The following ANKRD28 variants were observed in gnomAD, a reference collection of about 807,000 sequenced individuals.
ANKRD28 encodes the protein serine/threonine-protein phosphatase 6 regulatory ankyrin repeat subunit A.
ANKRD28 carries 44 observed loss-of-function variants against 126.5 expected under a neutral mutation model. The observed-to-expected ratio is 0.35, with a 90% CI of 0.27 to 0.45. The LOEUF (loss-of-function observed/expected upper bound fraction) is 0.45, where lower values mean the gene tolerates loss of function less well. ANKRD28 is among the 20% of genes least tolerant of loss of function. ANKRD28 has a pLI of 1.00. For synonymous variants in ANKRD28, 442 were observed against 468.5 expected (o/e 0.94, Z 0.73); for missense variants, 1,110 against 1,316.6 (o/e 0.84, Z 2.43).
At chr3:15,829,516 T>A (rs1366270721) in intron 1 of ANKRD28, among the ~76,000 whole-genome samples, 1 of 152,206 alleles carries the variant, frequency 6.6e-6, no homozygotes, top group Non-Finnish European at 1.5e-5. Flanking sequence ...TTAAAATCCA[T>A]TGGTCTAACT....
chr3:15,709,868 T>C, intron 12 of ANKRD28, 132 bp from the exon 13 acceptor site: 1 of 568,214 alleles, frequency 1.8e-6, no homozygotes, highest in Non-Finnish European at 3.1e-6. Flanking sequence ...TTACATTCTA[T>C]GAAGAATAAA....
At position 15,713,634 on chromosome 3, in the gene ANKRD28, T is replaced by A; in HGVS notation, c.1083A>T (p.Val361=). ...RSQTIIQSGA[V]IDCEDKNGNT... ...TTCCATTCTTATCCTCACAGTCGAT[T>A]ACAGCTCCTGCAATATAGGACTTAC... The change falls in exon 10 of 28, where the codon GTA becomes GTT. Residue 361 remains valine, a synonymous_variant. Coordinates refer to ENST00000683139, the MANE Select transcript of ANKRD28 (RefSeq NM_001349278.2). The A allele has an allele frequency of 6.2e-7, 1 of 1,603,222 alleles. No homozygotes were observed. The highest frequency in any genetic ancestry group is 8.5e-7 in the Non-Finnish European group (1 of 1,175,502).
chr3:15,706,432 T>C (rs2071412254), intron 14 of ANKRD28, among the ~76,000 whole-genome samples: 1 of 152,188 alleles, frequency 6.6e-6, no homozygotes, highest in African/African-American at 2.4e-5. Context: ...TCCTTTTTTA[T>C]GGCTGCATAG....
chr3:15,690,617 T>C (rs968012454), intron 17 of ANKRD28, among the ~76,000 whole-genome samples: 2 of 152,208 alleles, frequency 1.3e-5, no homozygotes, highest in Non-Finnish European at 2.9e-5. Flanking sequence ...CCAGCTGGAG[T>C]CCAGTGGCGT....
intron 7 of ANKRD28, among the ~76,000 whole-genome samples, chr3:15,721,363 G>A: frequency 6.6e-6 from 1 of 152,234 alleles, no homozygotes; most frequent in East Asian, 1.9e-4. Context: ...CATACACAAT[G>A]TCTACTTCAT....
intron 1 of ANKRD28, among the ~76,000 whole-genome samples, chr3:15,821,555 C>T (rs1472522040): frequency 6.6e-6 from 1 of 152,106 alleles, no homozygotes; most frequent in Non-Finnish European, 1.5e-5. Context: ...AAATCTCCAT[C>T]CCTTCACAAA....
intron 4 of ANKRD28, among the ~76,000 whole-genome samples, chr3:15,743,394 T>G (rs2057245564): frequency 6.6e-6 from 1 of 151,812 alleles, no homozygotes; most frequent in Non-Finnish European, 1.5e-5. Context: ...ACAAAACATA[T>G]TTGCAAATAA....
At chr3:15,746,869 C>A (rs1023250475) in intron 4 of ANKRD28, among the ~76,000 whole-genome samples, 1 of 152,178 alleles carries the variant, frequency 6.6e-6, no homozygotes, top group Non-Finnish European at 1.5e-5. Flanking sequence ...TCATTTCAAT[C>A]TTGCTGCTTG....
chr3:15,790,018 T>A (rs12637353), intron 2 of ANKRD28, among the ~76,000 whole-genome samples: 13 of 151,930 alleles, frequency 8.6e-5, no homozygotes, highest in Non-Finnish European at 4.4e-5. Context: ...TGTAAGCAAC[T>A]ATATATGCTG....
chr3:15,816,019 T>C lies in ANKRD28; in HGVS notation c.28-20713A>G, dbSNP rs981729300. On this transcript the variant is annotated intron_variant, in intron 1 of 27. Coordinates refer to the ANKRD28 transcript ENST00000399451. The surrounding 1 kb of genome is among the most constrained non-coding windows in gnomAD (Gnocchi z 5.0). ...GGCTTTACAGGTTTTCATAATTATG[T>C]TTTAATCTTGTTATATTAATAGTCA... 1.2e-4 allele frequency among the ~76,000 whole-genome samples: 18 copies of C among 152,180 alleles called. No homozygotes were observed. The highest frequency in any genetic ancestry group is 4.1e-4 in the African/African-American group (17 of 41,448).
chr3:15,671,018 G>A (rs894866777), intron 27 of ANKRD28, among the ~76,000 whole-genome samples: 26 of 152,230 alleles, frequency 1.7e-4, no homozygotes, highest in African/African-American at 5.5e-4. Flanking sequence ...AATCTTAAAT[G>A]TGTACAGCTT....
Position 15,713,681 on chromosome 3 carries a change from A to G in ANKRD28, c.1076-40T>C, listed in dbSNP as rs577751853. The G allele has an allele frequency of 2.2e-6, 3 of 1,364,580 alleles. No individual in the cohort carries two copies. The African/African-American group carries it at 4.4e-5, about 20-fold the overall frequency. The allele number at this position is 1,364,580 out of a possible 1,614,324, so 84.5% of individuals were successfully genotyped here. ...TTACTGTCAGACACTGGACCATATAAAGATCAGGTCAAACGTACTACATGA... is the reference window on the plus strand; with the variant it reads ...TTACTGTCAGACACTGGACCATATAGAGATCAGGTCAAACGTACTACATGA... On this transcript the variant is annotated intron_variant, in intron 9 of 27. Transcript: ENST00000683139.
At chr3:15,852,222 T>C (rs1476293074) in intron 1 of ANKRD28, among the ~76,000 whole-genome samples, 1 of 152,224 alleles carries the variant, frequency 6.6e-6, no homozygotes, top group East Asian at 1.9e-4. Flanking sequence ...GGTTAAAATA[T>C]AAAAAAGATC....
At chr3:15,766,168 A>T (rs555515549) in intron 3 of ANKRD28, 66 bp downstream of exon 3, 2 of 1,272,274 alleles carry the variant, frequency 1.6e-6, no homozygotes, top group South Asian at 1.4e-5. Flanking sequence ...GTCAATTATG[A>T]TTGAGAAACA....
upstream of ANKRD28, among the ~76,000 whole-genome samples, chr3:15,802,150 T>A (rs777216218): frequency 6.6e-6 from 1 of 152,186 alleles, no homozygotes; most frequent in Non-Finnish European, 1.5e-5. Flanking sequence ...ATGAAAAAGT[T>A]TGACCAAAAT....
chr3:15,769,119 A>G (rs1182335639), intron 2 of ANKRD28, among the ~76,000 whole-genome samples: 1 of 152,212 alleles, frequency 6.6e-6, no homozygotes, highest in African/African-American at 2.4e-5. Flanking sequence ...CTATTGCACC[A>G]GATAAACCAC....
At chr3:15,764,948 T>G (rs948343383) in intron 3 of ANKRD28, among the ~76,000 whole-genome samples, 2 of 152,108 alleles carry the variant, frequency 1.3e-5, no homozygotes, top group African/African-American at 4.8e-5. Context: ...TCCAACTGAT[T>G]CTTAAATTTT....
rs1226055691 is a variant in ANKRD28, at chr3:15,845,441, T to TG, written c.27+13935dup. 1.3e-5 allele frequency among the ~76,000 whole-genome samples: 2 copies of TG among 152,214 alleles called. No individual in the cohort carries two copies. The highest frequency in any genetic ancestry group is 2.9e-5 in the Non-Finnish European group (2 of 68,034). On this transcript the variant is annotated intron_variant, in intron 1 of 27. Coordinates refer to the ANKRD28 transcript ENST00000399451. The surrounding 1 kb of genome is among the most constrained non-coding windows in gnomAD (Gnocchi z 4.9). ...GTTACAGCTCCTTGGCATTATCTGT[T>TG]GAAGTTTCTTGATTCCAGACATCTC...
chr3:15,715,639 A>G (rs959031866), intron 8 of ANKRD28, among the ~76,000 whole-genome samples: 3 of 152,216 alleles, frequency 2.0e-5, no homozygotes, highest in African/African-American at 7.2e-5. Context: ...TAACCTAAGC[A>G]TGAATCTCAG....
Sources: gnomAD v4.1 joint callset for allele counts (sites outside exome capture counted in the v4.1 genomes callset) on GRCh38, gnomAD v4.1.1 for gene constraint, Gnocchi (gnomAD v3.1) non-coding constraint, MANE v1.5 for transcripts, NCBI Gene and HGNC (gene_info 2026-07-23, HGNC 2026-07-21) for gene names.